The following JRK variants were observed in gnomAD, a reference collection of about 807,000 sequenced individuals.
JRK encodes the protein jerky protein homolog.
For synonymous variants in JRK, 303 were observed against 218.1 expected (o/e 1.39, Z -3.43); for missense variants, 720 against 509.2 (o/e 1.41, Z -3.98).
chr8:142,652,304 G>A, the JRK span, among the ~76,000 whole-genome samples: 2 of 152,198 alleles, frequency 1.3e-5, no homozygotes, highest in Non-Finnish European at 2.9e-5. Flanking sequence ...ACACGCCCAT[G>A]ACACAGCCTC....
rs782786309 is a variant in JRK at position 142,661,865 on chromosome 8, G to A, written c.*2487C>T. On this transcript the variant is annotated 3_prime_UTR_variant, in exon 2 of 2. Coordinates refer to ENST00000612905, the MANE Select transcript of JRK (RefSeq NM_003724.4). ...GTCAGGAAGTGAAAACAAAGTGCTC[G>A]GAGGACACGGCAGTCTCCATAAAGC... 177 of 985,384 alleles carry A rather than the reference G, an allele frequency of 1.8e-4. No homozygotes were observed. The highest frequency in any genetic ancestry group is 1.2e-4 in the Non-Finnish European group (102 of 829,998). The allele number at this position is 985,384 out of a possible 1,614,324, so 61.0% of individuals were successfully genotyped here.
rs1554634592 is a variant in JRK at position 142,661,650 on chromosome 8, A to T, written c.*2702T>A. The T allele has an allele frequency of 1.0e-6, 1 of 985,360 alleles. No homozygotes were observed. The highest frequency in any genetic ancestry group is 4.7e-5 in the South Asian group (1 of 21,294). The allele number at this position is 985,360 out of a possible 1,614,324, so 61.0% of individuals were successfully genotyped here. A position where few individuals can be genotyped will look rare whatever the true frequency, so the allele number is the denominator to read the frequency against. ...CGCGGAGGCATTTAAACAGGACCAG[A>T]GACTTTCTCGCTCTGCTCTGGCAAG... On this transcript the variant is annotated 3_prime_UTR_variant, in exon 2 of 2. Coordinates refer to ENST00000612905, the MANE Select transcript of JRK (RefSeq NM_003724.4).
chr8:142,654,669 C>A (rs1346918670), downstream of JRK, among the ~76,000 whole-genome samples: 1 of 151,922 alleles, frequency 6.6e-6, no homozygotes, highest in Non-Finnish European at 1.5e-5. Context: ...GTCCTCCCCA[C>A]CCCAGAGTCA....
chr8:142,664,492 G>T lies in JRK; in HGVS notation c.1567C>A (p.Arg523=). The part of the protein sequence containing the change: ...GQLRALRAVF[R]SQQQVRRRRG... ...CGCCTCCTCACCTGCTGCTGGCTCC[G>T]GAACACGGCACGCAGCGCCCGCAGC... Residue 523 remains arginine (R), a synonymous_variant, in exon 2 of 2, where the codon CGG becomes AGG. Coordinates refer to ENST00000612905, the MANE Select transcript of JRK (RefSeq NM_003724.4). 6.2e-7 allele frequency: 1 copy of T among 1,610,528 alleles called. No individual in the cohort carries two copies. The highest frequency in any genetic ancestry group is 8.5e-7 in the Non-Finnish European group (1 of 1,178,820).
rs782204525 is a variant in JRK, at chr8:142,665,786, G to A, written c.273C>T (p.Arg91=). The change falls in exon 2 of 2, where the codon CGC becomes CGT. Residue 91 remains arginine (R), a synonymous_variant. Transcript: ENST00000612905. The stretch of plus-strand genomic sequence containing the variant: ...TCCCCAGGAACCACTCGTACAGGAC[G>A]CGGTCCAGGTGCTCCAGCTTGGGCG... ...LHTPKLEHLD[R]VLYEWFLGKR... is the part of the protein sequence containing the mutation. 24 of 778,240 alleles carry A rather than the reference G, an allele frequency of 3.1e-5. No homozygotes were observed. Among genetic ancestry groups the A allele is most frequent in the South Asian group, 1.6e-4 (12 of 74,364 alleles). The allele number at this position is 778,240 out of a possible 1,614,324, so 48.2% of individuals were successfully genotyped here.
rs1847120116 is a variant in JRK at position 142,666,085 on chromosome 8, T to C, written c.-27A>G. On this transcript the variant is annotated 5_prime_UTR_variant, in exon 2 of 2. Coordinates refer to ENST00000612905, the MANE Select transcript of JRK (RefSeq NM_003724.4). Reference sequence around the variant, plus strand: ...GGGAGGGGTGGCTGGTCCTAGCACTTGCAGGACACACGCCTGGCCTGGGCT... The same window carrying C: ...GGGAGGGGTGGCTGGTCCTAGCACTCGCAGGACACACGCCTGGCCTGGGCT... 6.3e-7 allele frequency: 1 copy of C among 1,592,518 alleles called. No individual in the cohort carries two copies. Among genetic ancestry groups the C allele is most frequent in the African/African-American group, 1.3e-5 (1 of 74,686 alleles).
chr8:142,666,072 T>C lies in JRK; in HGVS notation c.-14A>G, dbSNP rs1554636058. The C allele has an allele frequency of 6.2e-7, 1 of 1,601,966 alleles. No homozygotes were observed. The highest frequency in any genetic ancestry group is 1.3e-5 in the African/African-American group (1 of 74,774). On this transcript the variant is annotated 5_prime_UTR_variant, in exon 2 of 2. Coordinates refer to ENST00000612905, the MANE Select transcript of JRK (RefSeq NM_003724.4). ...CTTGGAGGCCATGGGGAGGGGTGGC[T>C]GGTCCTAGCACTTGCAGGACACACG... is the stretch of plus-strand genomic sequence containing the variant.
rs930877357 is a variant in JRK, at chr8:142,660,927, G to A, written c.*3425C>T. 19 of 985,336 alleles carry A rather than the reference G, an allele frequency of 1.9e-5. No homozygotes were observed. The South Asian group carries it at 6.6e-4, about 34-fold the overall frequency. 61.0% of individuals were successfully genotyped at this position (985,336 alleles called of 1,614,324 possible). A position where few individuals can be genotyped will look rare whatever the true frequency, so the allele number is the denominator to read the frequency against. On this transcript the variant is annotated 3_prime_UTR_variant, in exon 2 of 2. Coordinates refer to ENST00000612905, the MANE Select transcript of JRK (RefSeq NM_003724.4). ...AAATGGACTTTAACTGGGGACAACT[G>A]ATGACAGTCCTCCAACCCCAGCGAG...
chr8:142,650,251 T>C, the JRK span, among the ~76,000 whole-genome samples: 76 of 152,366 alleles, frequency 5.0e-4, no homozygotes, highest in African/African-American at 1.8e-3. Flanking sequence ...TACAGGCTCA[T>C]AGGCAGAAGG....
In JRK at chr8:142,661,063, G is replaced by A. The variant is rs374070165; in HGVS notation, c.*3289C>T. 8.1e-6 allele frequency: 8 copies of A among 985,266 alleles called. No homozygotes were observed. Among genetic ancestry groups the A allele is most frequent in the East Asian group, 2.3e-4 (2 of 8,802 alleles). The allele number at this position is 985,266 out of a possible 1,614,324, so 61.0% of individuals were successfully genotyped here. ...AGAACAGTGGCCTGCGACGTCAGGGGCAGTCCAGGTGCTCTCCATCGCATG... is the reference window on the plus strand; with the variant it reads ...AGAACAGTGGCCTGCGACGTCAGGGACAGTCCAGGTGCTCTCCATCGCATG... On this transcript the variant is annotated 3_prime_UTR_variant, in exon 2 of 2. Coordinates refer to ENST00000612905, the MANE Select transcript of JRK (RefSeq NM_003724.4).
chr8:142,655,927 G>A (rs1194196734), downstream of JRK, among the ~76,000 whole-genome samples: 1 of 152,138 alleles, frequency 6.6e-6, no homozygotes, highest in Non-Finnish European at 1.5e-5. Flanking sequence ...GTGGATCTGC[G>A]CTAATTCTAC....
At position 142,657,823 on chromosome 8, in the gene JRK, G is replaced by C. The variant is rs1254350948; in HGVS notation, c.*6529C>G. 6.6e-6 allele frequency: 1 copy of C among 152,288 alleles called. No individual in the cohort carries two copies. The highest frequency in any genetic ancestry group is 1.5e-5 in the Non-Finnish European group (1 of 68,062). 9.4% of individuals were successfully genotyped at this position (152,288 alleles called of 1,614,324 possible). ...TTAGAAAGGGACAAACATCCAAACT[G>C]TATCATGGCAGAAGGAGCCTGGCTC... On this transcript the variant is annotated 3_prime_UTR_variant, in exon 2 of 2. Transcript: ENST00000612905.
At chr8:142,646,521 C>T in the JRK span, among the ~76,000 whole-genome samples, 1 of 152,144 alleles carries the variant, frequency 6.6e-6, no homozygotes, top group Non-Finnish European at 1.5e-5. Context: ...AGTTTTGCAA[C>T]CCCTATGCCA....
the JRK span, among the ~76,000 whole-genome samples, chr8:142,650,874 A>T: frequency 6.6e-6 from 1 of 152,220 alleles, no homozygotes; most frequent in Admixed American, 6.5e-5. Context: ...CACAATACAA[A>T]ATTAAGTGGT....
At position 142,661,702 on chromosome 8, in the gene JRK, A is replaced by G. The variant is rs1846921570; in HGVS notation, c.*2650T>C. The G allele has an allele frequency of 2.0e-6, 2 of 985,426 alleles. No homozygotes were observed. Among genetic ancestry groups the G allele is most frequent in the Non-Finnish European group, 2.4e-6 (2 of 830,002 alleles). 61.0% of individuals were successfully genotyped at this position (985,426 alleles called of 1,614,324 possible). On this transcript the variant is annotated 3_prime_UTR_variant, in exon 2 of 2. Transcript: ENST00000612905. ...TCCAGGGCTTCCCAGGGGCCTCAGC[A>G]GCCCCAGAAACAGAGTGAAGAGACA...
rs913097950 is a variant in JRK at position 142,661,996 on chromosome 8, G to A, written c.*2356C>T. 14 of 985,386 alleles carry A rather than the reference G, an allele frequency of 1.4e-5. No homozygotes were observed. The highest frequency in any genetic ancestry group is 6.2e-5 in the Admixed American group (1 of 16,256). The allele number at this position is 985,386 out of a possible 1,614,324, so 61.0% of individuals were successfully genotyped here. Reference sequence around the variant, plus strand: ...TCCCTAAAAACCTCACTCCAGCAGCGAGCCCAGGTGAGGAGGGGCTGCAGG... The same window carrying A: ...TCCCTAAAAACCTCACTCCAGCAGCAAGCCCAGGTGAGGAGGGGCTGCAGG... On this transcript the variant is annotated 3_prime_UTR_variant, in exon 2 of 2. Coordinates refer to ENST00000612905, the MANE Select transcript of JRK (RefSeq NM_003724.4).
At position 142,663,169 on chromosome 8, in the gene JRK, A is replaced by G. The variant is rs118168953; in HGVS notation, c.*1183T>C. 5,885 of 985,326 alleles carry G rather than the reference A, an allele frequency of 6.0e-3. 22 individuals are homozygous for G. Among genetic ancestry groups the G allele is most frequent in the Non-Finnish European group, 6.7e-3 (5,531 of 829,876 alleles). The allele number at this position is 985,326 out of a possible 1,614,324, so 61.0% of individuals were successfully genotyped here. On this transcript the variant is annotated 3_prime_UTR_variant, in exon 2 of 2. Transcript: ENST00000612905. ...CCCTGCCTCAAGAAAAGAAAAGGAC[A>G]ATGCACCTATTTTATGCTCGCTGAA...
rs1587515962 is a variant in JRK, at chr8:142,659,770, G to A, written c.*4582C>T. The A allele has an allele frequency of 1.0e-6, 1 of 985,582 alleles. No homozygotes were observed. Among genetic ancestry groups the A allele is most frequent in the Non-Finnish European group, 1.2e-6 (1 of 829,996 alleles). 61.1% of individuals were successfully genotyped at this position (985,582 alleles called of 1,614,324 possible). On this transcript the variant is annotated 3_prime_UTR_variant, in exon 2 of 2. Transcript: ENST00000612905. ...GCAGCTGGTGAACAGCAGGGAGTGAGCAGTGGAGAACGTGAGGCTGGTCAT... is the reference window on the plus strand; with the variant it reads ...GCAGCTGGTGAACAGCAGGGAGTGAACAGTGGAGAACGTGAGGCTGGTCAT...
In JRK at chr8:142,665,733, C is replaced by T. The variant is rs782678278; in HGVS notation, c.326G>A (p.Gly109Asp). Reference sequence around the variant, plus strand: ...CTTGGCCTTCTCGATGAGCATGGGGCCTGACACGGGGACGCCCTCGGAGCG... The same window carrying T: ...CTTGGCCTTCTCGATGAGCATGGGGTCTGACACGGGGACGCCCTCGGAGCG... ...GKRSEGVPVS[G>D]PMLIEKAKDF... Residue 109 changes from glycine to aspartate, a missense_variant, in exon 2 of 2, where the codon GGC (glycine) becomes GAC (aspartate). Gly to Asp is a moderately conservative substitution (Grantham distance 94). Transcript: ENST00000612905. The T allele has an allele frequency of 1.3e-6, 1 of 770,846 alleles. No individual in the cohort carries two copies. Among genetic ancestry groups the T allele is most frequent in the South Asian group, 1.4e-5 (1 of 72,544 alleles). 47.8% of individuals were successfully genotyped at this position (770,846 alleles called of 1,614,324 possible). A position where few individuals can be genotyped will look rare whatever the true frequency, so the allele number is the denominator to read the frequency against.
Sources: gnomAD v4.1 joint callset for allele counts (sites outside exome capture counted in the v4.1 genomes callset) on GRCh38, gnomAD v4.1.1 for gene constraint, MANE v1.5 for transcripts, NCBI Gene and HGNC (gene_info 2026-07-23, HGNC 2026-07-21) for gene names.